The following GIGYF2 variants were observed in gnomAD, a reference collection of about 807,000 sequenced individuals.
GIGYF2 encodes the protein GRB10-interacting GYF protein 2.
GIGYF2 carries 25 observed loss-of-function variants against 208.1 expected under a neutral mutation model. The observed-to-expected ratio is 0.12, with a 90% CI of 0.09 to 0.17. The LOEUF (loss-of-function observed/expected upper bound fraction) is 0.17. Among genes scored for constraint, GIGYF2 ranks in the 10% least tolerant of loss-of-function variants. The pLI, the probability that GIGYF2 is intolerant of heterozygous loss-of-function variation, is 1.00. For missense variants in GIGYF2, 1,302 were observed against 1,579.4 expected, an observed-to-expected ratio of 0.82 and a Z score of 2.98; for synonymous variants, 534 against 543.8, an observed-to-expected ratio of 0.98 and a Z score of 0.25.
At position 232,757,100 on chromosome 2, in the gene GIGYF2, G is replaced by A. The variant is rs1371870475; in HGVS notation, c.379+766G>A. Among the ~76,000 whole-genome samples, 5 of 152,248 alleles carry A rather than the reference G, an allele frequency of 3.3e-5. 1 individual carries two copies. Among genetic ancestry groups the A allele is most frequent in the South Asian group, 4.2e-4 (2 of 4,808 alleles). The stretch of plus-strand genomic sequence containing the variant: ...TGCAATGAGTGAGACCATTGTCTCT[G>A]CATATTGTACCACCAAGATTGGCAT... On this transcript the variant is annotated intron_variant, in intron 6 of 28. Coordinates refer to ENST00000373563, the MANE Select transcript of GIGYF2 (RefSeq NM_001103146.3).
At chr2:232,793,136 A>T (rs1240370743) in intron 12 of GIGYF2, among the ~76,000 whole-genome samples, 2 of 152,304 alleles carry the variant, frequency 1.3e-5, no homozygotes, top group East Asian at 3.9e-4. Context: ...AGTGGGACTG[A>T]TCCAGGCTTG....
chr2:232,856,507 T>TG (rs1274363891), intron 28 of GIGYF2, among the ~76,000 whole-genome samples: 1 of 151,940 alleles, frequency 6.6e-6, no homozygotes, highest in Non-Finnish European at 1.5e-5. Context: ...CTGGCCAACA[T>TG]GGTGAAACCC....
chr2:232,699,151 A>T (rs1695736627), intron 1 of GIGYF2, among the ~76,000 whole-genome samples: 2 of 152,152 alleles, frequency 1.3e-5, no homozygotes, highest in Non-Finnish European at 2.9e-5. Context: ...CCTCATGGAG[A>T]AGCTAACACT....
intron 2 of GIGYF2, among the ~76,000 whole-genome samples, chr2:232,718,226 T>G (rs1337741140): frequency 6.6e-6 from 1 of 152,058 alleles, no homozygotes; most frequent in African/African-American, 2.4e-5. Flanking sequence ...GCCTCCCAAG[T>G]AGCTAGGATT....
At chr2:232,706,702 C>G (rs1191380854) in intron 2 of GIGYF2, among the ~76,000 whole-genome samples, 1 of 152,102 alleles carries the variant, frequency 6.6e-6, no homozygotes, top group Non-Finnish European at 1.5e-5. Flanking sequence ...ATCTCTTGAA[C>G]ATGAGAGGTG....
At chr2:232,732,772 G>T (rs1235602907) in intron 2 of GIGYF2, among the ~76,000 whole-genome samples, 1 of 151,754 alleles carries the variant, frequency 6.6e-6, no homozygotes, top group Admixed American at 6.6e-5. Context: ...GGGACTACAG[G>T]CTCGCACCAT....
At chr2:232,828,074 T>C (rs1413300557) in intron 21 of GIGYF2, among the ~76,000 whole-genome samples, 3 of 152,150 alleles carry the variant, frequency 2.0e-5, no homozygotes, top group Non-Finnish European at 2.9e-5. Context: ...TTGCAGCCTT[T>C]ATGTCCCTGG....
intron 14 of GIGYF2, among the ~76,000 whole-genome samples, chr2:232,804,594 C>T (rs1253836762): frequency 3.3e-5 from 5 of 151,974 alleles, no homozygotes; most frequent in South Asian, 2.1e-4. Context: ...CAGGTCCAAG[C>T]GATTCTCCTG....
rs1033267706 is a variant in GIGYF2, at chr2:232,828,642, G to A, written c.2530-4215G>A. The A allele has an allele frequency of 1.8e-4, 28 of 151,900 alleles. 1 individual carries two copies. Among genetic ancestry groups the A allele is most frequent in the African/African-American group, 6.3e-4 (26 of 41,348 alleles). The allele number at this position is 151,900 out of a possible 1,614,324, so 9.4% of individuals were successfully genotyped here. On this transcript the variant is annotated intron_variant, in intron 21 of 28. Transcript: ENST00000373563. The stretch of plus-strand genomic sequence containing the variant: ...TAATTTTTTAAAAAGTTTTTATAGA[G>A]GCAGGGTCTTGGCTGGTCTGATGGT...
At chr2:232,805,539 TTC>T (rs1410408220) in intron 14 of GIGYF2, among the ~76,000 whole-genome samples, 1 of 152,248 alleles carries the variant, frequency 6.6e-6, no homozygotes, top group Non-Finnish European at 1.5e-5. Context: ...ATATATCTTT[TTC>T]TCTCCTCAGT....
intron 18 of GIGYF2, among the ~76,000 whole-genome samples, chr2:232,814,945 C>T (rs546500301): frequency 2.0e-5 from 3 of 152,244 alleles, no homozygotes; most frequent in South Asian, 4.2e-4. Flanking sequence ...TAGAAAACTT[C>T]GCTGGCAATA....
chr2:232,850,683 C>T (rs1385581104), intron 28 of GIGYF2, among the ~76,000 whole-genome samples: 2 of 152,050 alleles, frequency 1.3e-5, no homozygotes, highest in African/African-American at 4.8e-5. Flanking sequence ...ATGAATTTCC[C>T]TGGAGGATCC....
rs774560951 is a variant in GIGYF2, at chr2:232,856,845, G to A, written c.3885G>A (p.Thr1295=). 5 of 1,611,086 alleles carry A rather than the reference G, an allele frequency of 3.1e-6. No individual in the cohort carries two copies. The highest frequency in any genetic ancestry group is 4.2e-6 in the Non-Finnish European group (5 of 1,177,252). The change falls in exon 29 of 29, where the codon ACG becomes ACA. Residue 1295 remains threonine, a synonymous_variant. Coordinates refer to ENST00000373563, the MANE Select transcript of GIGYF2 (RefSeq NM_001103146.3). ...SERLNMGEIE[T]LDDY The stretch of plus-strand genomic sequence containing the variant: ...GACTCAACATGGGTGAAATCGAGAC[G>A]TTGGATGACTACTGAGCACCTGCCA...
chr2:232,765,702 C>T (rs969802522), intron 8 of GIGYF2: 5 of 231,014 alleles, frequency 2.2e-5, no homozygotes, highest in Non-Finnish European at 3.6e-5. Flanking sequence ...TACCGGTTCA[C>T]TCAGCCCAGT....
intron 1 of GIGYF2, among the ~76,000 whole-genome samples, chr2:232,702,548 A>C (rs1326737239): frequency 6.6e-6 from 1 of 152,184 alleles, no homozygotes; most frequent in Non-Finnish European, 1.5e-5. Context: ...TAGTAGCAGT[A>C]AAGCATCATT....
At chr2:232,803,670 GCTT>G in intron 14 of GIGYF2, among the ~76,000 whole-genome samples, 2 of 67,122 alleles carry the variant, frequency 3.0e-5, no homozygotes, top group Admixed American at 1.3e-4. Context: ...TTCTATTTCT[GCTT>G]CTTTTTTTTT....
intron 22 of GIGYF2, among the ~76,000 whole-genome samples, chr2:232,835,116 T>TA (rs955144731): frequency 6.6e-6 from 1 of 152,226 alleles, no homozygotes; most frequent in African/African-American, 2.4e-5. Flanking sequence ...TGGGTTACCT[T>TA]ACTTAGGACA....
intron 28 of GIGYF2, 45 bp downstream of exon 28, chr2:232,850,454 T>C (rs781708524): frequency 9.0e-6 from 14 of 1,547,372 alleles, no homozygotes; most frequent in Non-Finnish European, 1.3e-5. Flanking sequence ...GGAGTGCAGG[T>C]GATACCAGTT....
intron 21 of GIGYF2, among the ~76,000 whole-genome samples, chr2:232,827,752 C>G (rs1701293714): frequency 6.6e-6 from 1 of 152,102 alleles, no homozygotes; most frequent in South Asian, 2.1e-4. Flanking sequence ...TTTCTAGTTT[C>G]TTAAGACAAA....
Sources: gnomAD v4.1 joint callset for allele counts (sites outside exome capture counted in the v4.1 genomes callset) on GRCh38, gnomAD v4.1.1 for gene constraint, MANE v1.5 for transcripts, NCBI Gene and HGNC (gene_info 2026-07-23, HGNC 2026-07-21) for gene names.